The following ADK variants were observed in gnomAD, a reference collection of about 807,000 sequenced individuals.
The protein encoded by ADK is N6,N6-dimethyladenosine kinase.
Under a neutral mutation model 44.7 loss-of-function variants are expected in ADK, and 24 were observed. The ratio of observed to expected loss-of-function variants is 0.54; its 90% CI spans 0.39 to 0.76. ADK has a LOEUF of 0.76. Ranked by LOEUF, ADK falls within the 30% of genes least tolerant of loss-of-function variation. The pLI, the probability that ADK is intolerant of heterozygous loss-of-function variation, is 0.00. For synonymous variants in ADK, 128 were observed against 142.6 expected (o/e 0.90, Z 0.73); for missense variants, 321 against 425.1 (o/e 0.76, Z 2.15).
At chr10:74,668,234 C>T (rs531857879) in intron 9 of ADK, among the ~76,000 whole-genome samples, 1 of 152,208 alleles carries the variant, frequency 6.6e-6, no homozygotes, top group African/African-American at 2.4e-5. Flanking sequence ...ATTTATGGTA[C>T]AGACCTTTTC....
intron 10 of ADK, among the ~76,000 whole-genome samples, chr10:74,692,110 G>A (rs1032717164): frequency 5.3e-4 from 80 of 152,304 alleles, no homozygotes; most frequent in African/African-American, 1.8e-3. Flanking sequence ...AAACTTGGAA[G>A]TAGCTACATA....
At chr10:74,673,922 G>A (rs1855283955) in intron 10 of ADK, among the ~76,000 whole-genome samples, 1 of 152,144 alleles carries the variant, frequency 6.6e-6, no homozygotes, top group African/African-American at 2.4e-5. Context: ...CTGTCCCTCT[G>A]AAGTCAAGCC....
intron 1 of ADK, among the ~76,000 whole-genome samples, chr10:74,185,418 A>G (rs573794661): frequency 6.6e-6 from 1 of 152,268 alleles, no homozygotes; most frequent in African/African-American, 2.4e-5. Flanking sequence ...TTGAGTAGGA[A>G]AGAAGGATAG....
chr10:74,420,470 A>G (rs1844521213), intron 6 of ADK, among the ~76,000 whole-genome samples: 1 of 152,156 alleles, frequency 6.6e-6, no homozygotes, highest in Non-Finnish European at 1.5e-5. Flanking sequence ...ATTTTTTGTT[A>G]CTACACTGTG....
chr10:74,157,571 G>T (rs897682044), intron 1 of ADK, among the ~76,000 whole-genome samples: 2 of 152,080 alleles, frequency 1.3e-5, no homozygotes, highest in African/African-American at 4.8e-5. Context: ...GTATCACAGA[G>T]AAATAAATAG....
chr10:74,188,498 G>A (rs1265020181), intron 1 of ADK, among the ~76,000 whole-genome samples: 6 of 150,684 alleles, frequency 4.0e-5, no homozygotes, highest in Non-Finnish European at 8.9e-5. Context: ...ACCGGCACCC[G>A]CCACCACACC....
At chr10:74,462,056 A>T (rs192455016) in intron 6 of ADK, among the ~76,000 whole-genome samples, 1 of 152,106 alleles carries the variant, frequency 6.6e-6, no homozygotes, top group Non-Finnish European at 1.5e-5. Context: ...TTAAAAGCAT[A>T]TGTCTGTTTT....
intron 1 of ADK, among the ~76,000 whole-genome samples, chr10:74,199,635 T>G (rs539355527): frequency 2.0e-5 from 3 of 152,190 alleles, no homozygotes; most frequent in Admixed American, 2.0e-4. Flanking sequence ...TTGTGAAGAG[T>G]GCTGTAATAA....
intron 10 of ADK, among the ~76,000 whole-genome samples, chr10:74,691,481 G>T (rs1225135533): frequency 6.6e-6 from 1 of 152,152 alleles, no homozygotes; most frequent in Non-Finnish European, 1.5e-5. Context: ...AAAGAACATT[G>T]GTAACTTAAG....
chr10:74,442,119 C>T (rs537815423), intron 6 of ADK, among the ~76,000 whole-genome samples: 19 of 151,676 alleles, frequency 1.3e-4, no homozygotes, highest in Non-Finnish European at 1.9e-4. Context: ...AAGACCCTAT[C>T]TCTTTAAAAA....
intron 3 of ADK, among the ~76,000 whole-genome samples, chr10:74,300,286 C>T (rs1170473810): frequency 1.3e-5 from 1 of 76,840 alleles, no homozygotes. Flanking sequence ...TTCCTTCCTT[C>T]CTTCCTTCCT....
chr10:74,559,133 G>A (rs1182050933), intron 7 of ADK, among the ~76,000 whole-genome samples: 1 of 152,156 alleles, frequency 6.6e-6, no homozygotes, highest in Non-Finnish European at 1.5e-5. Context: ...GGAAGCTGGT[G>A]TTGTGGGGGC....
chr10:74,418,705 C>G (rs1844456531), intron 6 of ADK, among the ~76,000 whole-genome samples: 1 of 152,174 alleles, frequency 6.6e-6, no homozygotes, highest in Non-Finnish European at 1.5e-5. Flanking sequence ...CACACACAGG[C>G]ACATAATCTG....
intron 6 of ADK, among the ~76,000 whole-genome samples, chr10:74,520,974 A>C (rs984662118): frequency 6.6e-6 from 1 of 152,146 alleles, no homozygotes; most frequent in Non-Finnish European, 1.5e-5. Flanking sequence ...CTAATTAGTA[A>C]AGCACAAGAT....
chr10:74,422,189 A>G (rs1396618090), intron 6 of ADK, among the ~76,000 whole-genome samples: 1 of 152,214 alleles, frequency 6.6e-6, no homozygotes, highest in Non-Finnish European at 1.5e-5. Context: ...AGAGGTGGAA[A>G]CTTCATCTCT....
chr10:74,668,665 G>A, intron 9 of ADK, among the ~76,000 whole-genome samples: 1 of 152,230 alleles, frequency 6.6e-6, no homozygotes. Context: ...GAACCAGGAG[G>A]CGGAGGTTGC....
chr10:74,326,584 C>G (rs1333555700), intron 4 of ADK, among the ~76,000 whole-genome samples: 1 of 152,044 alleles, frequency 6.6e-6, no homozygotes, highest in Non-Finnish European at 1.5e-5. Flanking sequence ...GTACTCCAGC[C>G]TGGGCAACAG....
intron 7 of ADK, among the ~76,000 whole-genome samples, chr10:74,569,125 C>A (rs1160407620): frequency 6.6e-6 from 1 of 152,154 alleles, no homozygotes; most frequent in Non-Finnish European, 1.5e-5. Flanking sequence ...TTTATGGCTG[C>A]ATAGTATTCC....
At chr10:74,206,560 C>A (rs560537587) in intron 2 of ADK, among the ~76,000 whole-genome samples, 4 of 152,284 alleles carry the variant, frequency 2.6e-5, no homozygotes, top group East Asian at 1.9e-4. Flanking sequence ...GCTCTTCCCC[C>A]CAGCCTGTCA....
Sources: allele counts gnomAD v4.1 joint callset (sites outside exome capture counted in the v4.1 genomes callset), GRCh38; gene constraint gnomAD v4.1.1; transcripts MANE v1.5; gene names NCBI Gene and HGNC (gene_info 2026-07-23, HGNC 2026-07-21).